RFX6: variants seen among roughly 807,000 people sequenced by gnomAD.
The protein encoded by RFX6 is regulatory factor X6.
In RFX6, 50 loss-of-function variants were observed where a neutral mutation model predicts 110.8. The ratio of observed to expected loss-of-function variants is 0.45; its 90% confidence interval spans 0.36 to 0.57. The LOEUF (loss-of-function observed/expected upper bound fraction) is 0.57, where lower values mean the gene tolerates loss of function less well. RFX6 is among the 20% of genes least tolerant of loss of function. The probability of loss-of-function intolerance (pLI) is 0.00; values close to 1 mark genes in which losing one functional copy is unlikely to be tolerated. For missense variants in RFX6, 990 were observed against 1,127.0 expected (o/e 0.88, Z 1.74); for synonymous variants, 383 against 411.2 (o/e 0.93, Z 0.83).
intron 7 of RFX6, among the ~76,000 whole-genome samples, chr6:116,913,772 T>G (rs1775406774): frequency 6.6e-6 from 1 of 152,210 alleles, no homozygotes; most frequent in African/African-American, 2.4e-5. Context: ...TTAATAGGTT[T>G]CAGGGCTCAA....
intron 14 of RFX6, among the ~76,000 whole-genome samples, chr6:116,923,919 C>T (rs1308760844): frequency 6.6e-6 from 1 of 152,090 alleles, no homozygotes; most frequent in Non-Finnish European, 1.5e-5. Flanking sequence ...GAAATCTTCA[C>T]ATTATGAAAG....
chr6:116,916,429 G>A (rs1165800391), intron 9 of RFX6, 115 bp downstream of exon 9: 3 of 728,216 alleles, frequency 4.1e-6, no homozygotes, highest in East Asian at 5.3e-5. Flanking sequence ...GATATACACT[G>A]TCTTTTTTTT....
chr6:116,887,385 C>T (rs1774721694), intron 4 of RFX6, among the ~76,000 whole-genome samples: 1 of 152,180 alleles, frequency 6.6e-6, no homozygotes, highest in South Asian at 2.1e-4. Flanking sequence ...TTCCTTCACG[C>T]TTACCATCCC....
chr6:116,919,012 C>T, intron 10 of RFX6, 125 bp from the exon 11 acceptor site: 1 of 833,988 alleles, frequency 1.2e-6, no homozygotes, highest in African/African-American at 1.7e-5. Flanking sequence ...AATGGCAGAT[C>T]TAGGCTGTCT....
chr6:116,893,563 G>A (rs763930232), intron 4 of RFX6, among the ~76,000 whole-genome samples: 18 of 152,132 alleles, frequency 1.2e-4, no homozygotes, highest in Non-Finnish European at 2.2e-4. Flanking sequence ...ATTCCCATGT[G>A]TGAGATTGGT....
rs57167027 is a variant in RFX6, at chr6:116,880,822, A to C, written c.504+155A>C. Among the ~76,000 whole-genome samples the C allele has an allele frequency of 0.072, 10,875 of 152,092 alleles. 407 individuals carry two copies. Among genetic ancestry groups the C allele is most frequent in the Admixed American group, 0.12 (1,782 of 15,270 alleles). On this transcript the variant is annotated intron_variant, in intron 3 of 18. Transcript: ENST00000332958. ...CTTAAGGACTCTGTTTGGAATTGCT[A>C]TATGTTTATAACTTGATTTTGAATA...
chr6:116,884,777 G>A (rs1202816315), intron 4 of RFX6: 1 of 152,070 alleles, frequency 6.6e-6, no homozygotes, highest in Non-Finnish European at 1.5e-5. Context: ...CTAGTACTTA[G>A]GTTGATGTAA....
At chr6:116,924,902 C>A in intron 15 of RFX6, 111 bp downstream of exon 15, 1 of 775,718 alleles carries the variant, frequency 1.3e-6, no homozygotes. Flanking sequence ...GAGTTTTTCT[C>A]CAAACATGTC....
chr6:116,922,014 CTTTCT>C, intron 12 of RFX6, 23 bp from the exon 13 acceptor site: 1 of 1,023,184 alleles, frequency 9.8e-7, no homozygotes, highest in South Asian at 1.3e-5. Flanking sequence ...GTTTTCTTTT[CTTTCT>C]TTTTTTTTTT....
At chr6:116,920,677 C>T (rs1265943093) in intron 12 of RFX6, among the ~76,000 whole-genome samples, 1 of 151,422 alleles carries the variant, frequency 6.6e-6, no homozygotes, top group Non-Finnish European at 1.5e-5. Context: ...AAAATCACAT[C>T]TGATTGAAAA....
At position 116,927,244 on chromosome 6, in the gene RFX6, T is replaced by C. The variant is rs775469408; in HGVS notation, c.2103T>C (p.Ser701=). 6.2e-7 allele frequency: 1 copy of C among 1,614,226 alleles called. No homozygotes were observed. The change falls in exon 17 of 19, where the codon TCT becomes TCC. Residue 701 remains serine (S), a synonymous_variant. Transcript: ENST00000332958. ...ATCATGACTTTTATAGCACCAGCTC[T>C]AACTACCAGACTGTGTTTAGGGCAC... ...QANHDFYSTS[S]NYQTVFRAQP... is the part of the protein sequence containing the mutation.
intron 4 of RFX6, among the ~76,000 whole-genome samples, chr6:116,890,536 G>T (rs1029684446): frequency 1.3e-5 from 2 of 152,102 alleles, no homozygotes; most frequent in African/African-American, 4.8e-5. Flanking sequence ...AAAAAAGAGT[G>T]TACTCTTTCA....
intron 18 of RFX6, among the ~76,000 whole-genome samples, 196 bp downstream of exon 18, chr6:116,929,167 T>C (rs539986216): frequency 9.2e-5 from 14 of 152,338 alleles, no homozygotes; most frequent in African/African-American, 3.4e-4. Context: ...TTATTCTGTA[T>C]ATCTCTATTA....
intron 8 of RFX6, 44 bp from the exon 9 acceptor site, chr6:116,916,157 T>C (rs200574818): frequency 6.4e-6 from 10 of 1,565,348 alleles, no homozygotes; most frequent in South Asian, 1.1e-5. Flanking sequence ...AATGAGTTCA[T>C]GTTAAAGAAA....
chr6:116,891,249 C>A (rs1357762463), intron 4 of RFX6, among the ~76,000 whole-genome samples: 1 of 152,100 alleles, frequency 6.6e-6, no homozygotes, highest in African/African-American at 2.4e-5. Context: ...AGTATCTGCT[C>A]TAATATTTTT....
chr6:116,887,451 C>T (rs1051463885), intron 4 of RFX6, among the ~76,000 whole-genome samples: 3 of 152,150 alleles, frequency 2.0e-5, no homozygotes, highest in African/African-American at 7.2e-5. Context: ...TTCCCAATAC[C>T]AAGATAAAAA....
chr6:116,903,221 G>C (rs116319263), intron 6 of RFX6, among the ~76,000 whole-genome samples: 2,209 of 152,124 alleles, frequency 0.015, 49 homozygotes, highest in African/African-American at 0.051. Context: ...TTTGTATCCA[G>C]TTGTTAACAT....
In RFX6 at chr6:116,911,041, A is replaced by G. The variant is rs1416621302; in HGVS notation, c.779A>G (p.Lys260Arg). 6.3e-7 allele frequency: 1 copy of G among 1,582,540 alleles called. No individual in the cohort carries two copies. Among genetic ancestry groups the G allele is most frequent in the Non-Finnish European group, 8.7e-7 (1 of 1,151,496 alleles). ...LVYQGCISKD[K>R]VDTLIMMYKT... The stretch of plus-strand genomic sequence containing the variant: ...TACCAAGGATGCATTTCTAAGGACA[A>G]GGTATCAATTACAGATACTTCTCTA... Residue 260 changes from lysine to arginine, a missense_variant and splice_region_variant, in exon 7 of 19, where the codon AAG becomes AGG. By Grantham distance (26) the Lys-to-Arg change is conservative. Around this residue, in one of 5 missense-constraint regions of RFX6, gnomAD observed 243 missense variants for 353.1 expected, o/e 0.69. Transcript: ENST00000332958.
chr6:116,889,641 T>G (rs1774776899), intron 4 of RFX6, among the ~76,000 whole-genome samples: 1 of 152,118 alleles, frequency 6.6e-6, no homozygotes, highest in South Asian at 2.1e-4. Flanking sequence ...TATGGCAAGC[T>G]ATTTATGAAG....
Sources: allele counts gnomAD v4.1 joint callset (sites outside exome capture counted in the v4.1 genomes callset), GRCh38; gene constraint gnomAD v4.1.1; regional missense constraint gnomAD v4.1.1; transcripts MANE v1.5; gene names NCBI Gene and HGNC (gene_info 2026-07-23, HGNC 2026-07-21).